Variants in CSPG5 observed in about 807,000 individuals in gnomAD.
CSPG5 encodes acidic leucine-rich EGF-like domain-containing brain protein.
In CSPG5, 25 loss-of-function variants were observed where a neutral mutation model predicts 39.8. The ratio of observed to expected loss-of-function variants is 0.63; its 90% CI spans 0.46 to 0.88. The LOEUF (loss-of-function observed/expected upper bound fraction) is 0.88. CSPG5 is among the 40% of genes least tolerant of loss of function. The probability of loss-of-function intolerance (pLI) is 0.00; values close to 1 mark genes in which losing one functional copy is unlikely to be tolerated. For synonymous variants in CSPG5, 295 were observed against 303.9 expected (o/e 0.97, Z 0.31); for missense variants, 627 against 702.2 (o/e 0.89, Z 1.21).
intron 2 of CSPG5, among the ~76,000 whole-genome samples, chr3:47,573,738 G>A (rs1021104719): frequency 5.3e-5 from 8 of 152,210 alleles, no homozygotes; most frequent in Non-Finnish European, 1.2e-4. Context: ...CAGAAACGGG[G>A]AAATTATGCA....
chr3:47,563,903 T>C (rs1485365351), intron 4 of CSPG5, among the ~76,000 whole-genome samples: 5 of 152,210 alleles, frequency 3.3e-5, no homozygotes, highest in African/African-American at 1.2e-4. Context: ...CACATAGTCC[T>C]CCAGGTCTAC....
chr3:47,564,357 C>T (rs183132962), intron 4 of CSPG5, among the ~76,000 whole-genome samples: 7 of 152,224 alleles, frequency 4.6e-5, no homozygotes, highest in Admixed American at 6.5e-5. Context: ...CACAGGACAC[C>T]GGGGCATCCA....
At chr3:47,569,433 G>A (rs576686450) in intron 3 of CSPG5, among the ~76,000 whole-genome samples, 10 of 151,330 alleles carry the variant, frequency 6.6e-5, no homozygotes, top group East Asian at 2.0e-4. Context: ...GTGAAACCCC[G>A]TCTCTACTAA....
At position 47,578,275 on chromosome 3, in the gene CSPG5, T is replaced by TCAGCTCCAGGTCCCGCCCC. The variant is rs1413313526; in HGVS notation, c.97+303_97+321dup. ...GAGCCGCGTCCACTGGCTCCCGCCC[T>TCAGCTCCAGGTCCCGCCCC]CAGCTCCAGGTCCCGCCCCGAAGTC... On this transcript the variant is annotated intron_variant, in intron 1 of 4. Coordinates refer to ENST00000264723, the MANE Select transcript of CSPG5 (RefSeq NM_006574.4). This position sits in a 1 kb window ranked among gnomAD's most constrained non-coding sequence, Gnocchi z 6.0. The TCAGCTCCAGGTCCCGCCCC allele has an allele frequency of 4.5e-5, 11 of 244,096 alleles. No individual in the cohort carries two copies. Among genetic ancestry groups the TCAGCTCCAGGTCCCGCCCC allele is most frequent in the African/African-American group, 7.3e-5 (3 of 40,920 alleles). 15.1% of individuals were successfully genotyped at this position (244,096 alleles called of 1,614,324 possible).
At chr3:47,567,879 G>T (rs1051016786) in intron 4 of CSPG5, among the ~76,000 whole-genome samples, 2 of 152,200 alleles carry the variant, frequency 1.3e-5, no homozygotes, top group Admixed American at 6.5e-5. Flanking sequence ...AGGTGTGGTG[G>T]CACATGCCTC....
chr3:47,578,213 G>C lies in CSPG5; in HGVS notation c.98-285C>G, dbSNP rs1349457357. 1 of 374,864 alleles carries C rather than the reference G, an allele frequency of 2.7e-6. No individual in the cohort carries two copies. The highest frequency in any genetic ancestry group is 4.5e-6 in the Non-Finnish European group (1 of 220,044). The allele number at this position is 374,864 out of a possible 1,614,324, so 23.2% of individuals were successfully genotyped here. A position where few individuals can be genotyped will look rare whatever the true frequency, so the allele number is the denominator to read the frequency against. ...GCCAGGCCAGGGCGGCCCCCAGCTC[G>C]GCCCACCCATAAGTCTCACCCTCGG... On this transcript the variant is annotated intron_variant, in intron 1 of 4. Coordinates refer to ENST00000264723, the MANE Select transcript of CSPG5 (RefSeq NM_006574.4). This position sits in a 1 kb window ranked among gnomAD's most constrained non-coding sequence, Gnocchi z 6.0.
In CSPG5 at chr3:47,577,949, G is replaced by C. The variant is rs2031833351; in HGVS notation, c.98-21C>G. The C allele has an allele frequency of 7.1e-7, 1 of 1,398,930 alleles. No homozygotes were observed. Among genetic ancestry groups the C allele is most frequent in the Non-Finnish European group, 9.2e-7 (1 of 1,088,056 alleles). The allele number at this position is 1,398,930 out of a possible 1,614,324, so 86.7% of individuals were successfully genotyped here. On this transcript the variant is annotated intron_variant, in intron 1 of 4. Coordinates refer to ENST00000264723, the MANE Select transcript of CSPG5 (RefSeq NM_006574.4). This position sits in a 1 kb window ranked among gnomAD's most constrained non-coding sequence, Gnocchi z 4.7. ...ACGCGCTGCGGGCGGGAGGGCAAGG[G>C]GCGGGACGTCAGGGCGGCGCGCTGA...
chr3:47,578,544 T>A lies in CSPG5; in HGVS notation c.97+53A>T. 1 of 607,760 alleles carries A rather than the reference T, an allele frequency of 1.6e-6. No homozygotes were observed. 37.6% of individuals were successfully genotyped at this position (607,760 alleles called of 1,614,324 possible). A position where few individuals can be genotyped will look rare whatever the true frequency, so the allele number is the denominator to read the frequency against. On this transcript the variant is annotated intron_variant, in intron 1 of 4. Transcript: ENST00000264723. This position sits in a 1 kb window ranked among gnomAD's most constrained non-coding sequence, Gnocchi z 6.0. ...CTGTCCCCGCCGCCAGCGGGACCCCTGCCCTGGGTGGGGCACGAGGGCCGC... is the reference window on the plus strand; with the variant it reads ...CTGTCCCCGCCGCCAGCGGGACCCCAGCCCTGGGTGGGGCACGAGGGCCGC...
In CSPG5 at chr3:47,577,969, C is replaced by T; in HGVS notation, c.98-41G>A. On this transcript the variant is annotated intron_variant, in intron 1 of 4. Coordinates refer to ENST00000264723, the MANE Select transcript of CSPG5 (RefSeq NM_006574.4). This position sits in a 1 kb window ranked among gnomAD's most constrained non-coding sequence, Gnocchi z 4.7. ...CAAGGGGCGGGACGTCAGGGCGGCG[C>T]GCTGAGGAGCCCTGGAGCCCCGGCC... is the stretch of plus-strand genomic sequence containing the variant. 6 of 1,378,172 alleles carry T rather than the reference C, an allele frequency of 4.4e-6. No homozygotes were observed. Among genetic ancestry groups the T allele is most frequent in the Non-Finnish European group, 5.6e-6 (6 of 1,075,788 alleles). The allele number at this position is 1,378,172 out of a possible 1,614,324, so 85.4% of individuals were successfully genotyped here. A position where few individuals can be genotyped will look rare whatever the true frequency, so the allele number is the denominator to read the frequency against.
chr3:47,571,924 T>A (rs541968908), intron 3 of CSPG5, among the ~76,000 whole-genome samples: 55 of 152,316 alleles, frequency 3.6e-4, no homozygotes, highest in African/African-American at 1.3e-3. Context: ...GCGTATAAGG[T>A]CACATCCGAG....
At chr3:47,563,360 A>G (rs1241802941) in intron 4 of CSPG5, among the ~76,000 whole-genome samples, 1 of 152,134 alleles carries the variant, frequency 6.6e-6, no homozygotes, top group Non-Finnish European at 1.5e-5. Flanking sequence ...CTAAAAAGGT[A>G]TGTCCTCAAT....
chr3:47,563,600 G>A (rs2031177616), intron 4 of CSPG5, among the ~76,000 whole-genome samples: 1 of 152,164 alleles, frequency 6.6e-6, no homozygotes, highest in Admixed American at 6.5e-5. Flanking sequence ...TGTCGCCCAG[G>A]CCAGAGTACA....
chr3:47,577,751 G>C lies in CSPG5; in HGVS notation c.275C>G (p.Ser92Trp), dbSNP rs900237513. ...LAGPEEVLQESAAVTGTAWLE... is the reference protein window; with the variant it reads ...LAGPEEVLQEWAAVTGTAWLE... ...CCAGGCGGTGCCGGTCACCGCAGCC[G>C]ACTCCTGCAGCACCTCTTCTGGCCC... Residue 92 changes from serine to tryptophan, a missense_variant, in exon 2 of 5, where the codon TCG becomes TGG. Coordinates refer to ENST00000264723, the MANE Select transcript of CSPG5 (RefSeq NM_006574.4). The surrounding 1 kb of genome is among the most constrained non-coding windows in gnomAD (Gnocchi z 4.7). 4 of 1,585,952 alleles carry C rather than the reference G, an allele frequency of 2.5e-6. No homozygotes were observed. The Admixed American group carries it at 5.2e-5, about 21-fold the overall frequency.
Position 47,577,231 on chromosome 3 carries a change from G to A in CSPG5, c.795C>T (p.Phe265=). ...CATCATAAAAGGATGTGGTGGGGTA[G>A]AAATCAGATTCATCGAAGGGGGTGA... is the stretch of plus-strand genomic sequence containing the variant. ...DDFTPFDESD[F]YPTTSFYDDL... is the part of the protein sequence containing the mutation. The change falls in exon 2 of 5, where the codon TTC becomes TTT. Residue 265 remains phenylalanine (F), a synonymous_variant. Transcript: ENST00000264723. This position sits in a 1 kb window ranked among gnomAD's most constrained non-coding sequence, Gnocchi z 4.7. The A allele has an allele frequency of 1.2e-6, 2 of 1,608,798 alleles. No homozygotes were observed. The highest frequency in any genetic ancestry group is 2.2e-5 in the East Asian group (1 of 44,696).
intron 4 of CSPG5, among the ~76,000 whole-genome samples, chr3:47,568,691 G>C (rs2031402554): frequency 6.6e-6 from 1 of 152,114 alleles, no homozygotes; most frequent in African/African-American, 2.4e-5. Flanking sequence ...CTAAAGCTTA[G>C]ATGAAGCTAA....
intron 4 of CSPG5, among the ~76,000 whole-genome samples, chr3:47,566,194 G>T (rs1296510474): frequency 1.4e-5 from 2 of 148,102 alleles, no homozygotes; most frequent in Middle Eastern, 3.4e-3. Flanking sequence ...GTATGTAAAA[G>T]AAATAACACC....
chr3:47,575,998 C>G (rs1361788869), intron 2 of CSPG5, among the ~76,000 whole-genome samples: 2 of 136,210 alleles, frequency 1.5e-5, no homozygotes, highest in African/African-American at 2.8e-5. Context: ...AGTGCAATGG[C>G]GTGATCTCGG....
chr3:47,579,548 C>G (rs1316846157), upstream of CSPG5: 2 of 152,494 alleles, frequency 1.3e-5, no homozygotes, highest in East Asian at 3.8e-4. The surrounding 1 kb of genome is among the most constrained non-coding windows in gnomAD (Gnocchi z 4.2). Flanking sequence ...GGGGTAAGAC[C>G]CTCCCTGGGA....
At chr3:47,568,773 T>C (rs2031407541) in intron 4 of CSPG5, among the ~76,000 whole-genome samples, 1 of 152,138 alleles carries the variant, frequency 6.6e-6, no homozygotes, top group Non-Finnish European at 1.5e-5. Context: ...CCTAGCACTT[T>C]AGGAGCCTGA....
Sources: allele counts gnomAD v4.1 joint callset (sites outside exome capture counted in the v4.1 genomes callset), GRCh38; gene constraint gnomAD v4.1.1; non-coding constraint Gnocchi (gnomAD v3.1); transcripts MANE v1.5; gene names NCBI Gene and HGNC (gene_info 2026-07-23, HGNC 2026-07-21).